Variants in MYH7B observed in about 807,000 individuals in gnomAD.
MYH7B encodes the protein myosin heavy chain 7B, also known as myosin-7B.
In MYH7B, 205 loss-of-function variants were observed where a neutral mutation model predicts 234.5. That is an observed-to-expected ratio of 0.87 (90% CI 0.78 to 0.98). MYH7B has a LOEUF of 0.98. MYH7B is among the 50% of genes least tolerant of loss of function. The pLI is 0.00. For synonymous variants in MYH7B, 1,193 were observed against 1,105.0 expected (o/e 1.08, Z -1.58); for missense variants, 2,652 against 2,633.4 (o/e 1.01, Z -0.15).
rs568904741 is a variant in MYH7B at position 34,968,451 on chromosome 20, AG to A, written c.-221-6946del. ...TGGAAATTGAAGCTCCGTGAGGAAG[AG>A]GGACCTATTCAAGGTCACATAGTGA... On this transcript the variant is annotated intron_variant, in intron 2 of 44. Transcript: ENST00000262873. Among the ~76,000 whole-genome samples the A allele has an allele frequency of 2.4e-4, 36 of 152,346 alleles. No homozygotes were observed. The South Asian group carries it at 7.2e-3, about 31-fold the overall frequency.
intron 13 of MYH7B, 35 bp from the exon 14 acceptor site, chr20:34,986,065 G>C (rs1413974398): frequency 5.9e-6 from 9 of 1,528,594 alleles, no homozygotes; most frequent in Middle Eastern, 1.7e-4. Flanking sequence ...CTGGGGAGGT[G>C]TGGGAGATGG....
intron 5 of MYH7B, 98 bp downstream of exon 5, chr20:34,978,194 G>A: frequency 7.0e-7 from 1 of 1,423,388 alleles, no homozygotes; most frequent in South Asian, 1.3e-5. Context: ...AGGGCTGAAG[G>A]GGCATTGGGG....
chr20:34,984,859 C>T (rs752263635), exon 12 of MYH7B: 9 of 1,613,948 alleles, frequency 5.6e-6, no homozygotes, highest in Non-Finnish European at 7.6e-6. Context: ...CCCAGGGCAC[C>T]CTTGAGGATC....
Position 34,977,952 on chromosome 20 carries a change from G to A in MYH7B, c.-54G>A, listed in dbSNP as rs11906160. On this transcript the variant is annotated 5_prime_UTR_variant, in exon 5 of 45. Transcript: ENST00000262873. ...CTTCCAGTGCCTGCTGCCTTGGGCC[G>A]CCTTGAACCTCCAGGGTTTCCAGCT... is the stretch of plus-strand genomic sequence containing the variant. 0.12 allele frequency: 186,250 copies of A among 1,613,514 alleles called. 12,161 individuals carry two copies. The highest frequency in any genetic ancestry group is 0.27 in the African/African-American group (19,881 of 74,944).
At chr20:35,000,040 C>T (rs995511034) in intron 38 of MYH7B, 134 bp downstream of exon 38, 4 of 953,614 alleles carry the variant, frequency 4.2e-6, no homozygotes, top group Non-Finnish European at 6.4e-6. Context: ...AGCTGTGAAC[C>T]TCGGAGATGC....
exon 39 of MYH7B, chr20:35,000,596 G>C (rs1569066435): frequency 6.4e-7 from 1 of 1,569,316 alleles, no homozygotes; most frequent in Admixed American, 1.9e-5. Context: ...TGGAGGAGCT[G>C]CGGGCTGCCC....
exon 10 of MYH7B, chr20:34,982,472 G>A (rs765093016): frequency 6.2e-6 from 10 of 1,614,026 alleles, no homozygotes; most frequent in Non-Finnish European, 8.5e-6. Flanking sequence ...AGAGTCGGGG[G>A]CCGGTAAGAC....
Position 34,978,639 on chromosome 20 carries a change from G to A in MYH7B, c.91+543G>A, listed in dbSNP as rs911298593. 2.0e-5 allele frequency among the ~76,000 whole-genome samples: 3 copies of A among 152,212 alleles called. No individual in the cohort carries two copies. In the East Asian group the frequency reaches 5.8e-4, roughly 29 times the overall value. On this transcript the variant is annotated intron_variant, in intron 5 of 44. Transcript: ENST00000262873. ...ATGCATCATCTCAACAACCTGGGGA[G>A]GTGGGGCCAGCACCAGACCTAGCTT...
chr20:34,997,376 C>T lies in MYH7B; in HGVS notation c.3483C>T (p.Gly1161=), dbSNP rs777007727. ...TGAGCGAGCGGCTGGAGGAGGCAGG[C>T]GGCGCATCCGCGGGGCAGCGCGAGG... The change falls in exon 32 of 45, where the codon GGC becomes GGT. Residue 1161 remains glycine, a synonymous_variant. Coordinates refer to ENST00000262873, the Ensembl canonical transcript of MYH7B. 69 of 1,521,774 alleles carry T rather than the reference C, an allele frequency of 4.5e-5. No homozygotes were observed. The highest frequency in any genetic ancestry group is 4.0e-4 in the South Asian group (33 of 81,686). 94.3% of individuals were successfully genotyped at this position (1,521,774 alleles called of 1,614,324 possible).
exon 38 of MYH7B, chr20:34,999,802 G>T: frequency 6.2e-7 from 1 of 1,603,082 alleles, no homozygotes; most frequent in South Asian, 1.1e-5. Context: ...GGGCCCTGGA[G>T]CTGGAGGAGA....
intron 30 of MYH7B, 95 bp from the exon 31 acceptor site, chr20:34,996,988 C>T: frequency 1.4e-6 from 2 of 1,406,084 alleles, no homozygotes; most frequent in East Asian, 5.0e-5. Context: ...GGTGAGGTCC[C>T]TCAGGGCCTG....
Position 34,994,218 on chromosome 20 carries a change from CTTTT to C in MYH7B, c.2519_2522del (p.Phe840SerfsTer3). 1.9e-6 allele frequency: 3 copies of C among 1,613,358 alleles called. No homozygotes were observed. The highest frequency in any genetic ancestry group is 2.5e-6 in the Non-Finnish European group (3 of 1,179,980). On this transcript the variant is annotated frameshift_variant, in exon 27 of 45. Coordinates refer to ENST00000262873, the Ensembl canonical transcript of MYH7B. LOFTEE classifies it high-confidence loss of function. Reference sequence around the variant, plus strand: ...TCAAGAACTGGTCATGGATGAAGCTCTTTTTCAAGATGAAGCCGCTGCTGCGCTC... The same window carrying C: ...TCAAGAACTGGTCATGGATGAAGCTCTCAAGATGAAGCCGCTGCTGCGCTC...
intron 22 of MYH7B, 152 bp from the exon 23 acceptor site, chr20:34,990,586 A>T: frequency 2.6e-6 from 2 of 769,258 alleles, no homozygotes. Flanking sequence ...GATGGGAGAC[A>T]GCGAAGGGTC....
At chr20:34,990,146 A>G in exon 21 of MYH7B, 4 of 1,614,140 alleles carry the variant, frequency 2.5e-6, no homozygotes, top group Non-Finnish European at 3.4e-6. Flanking sequence ...CTCCTGCTCC[A>G]GTGAGTATGG....
chr20:34,970,712 G>A (rs1159727369), intron 2 of MYH7B, among the ~76,000 whole-genome samples: 2 of 152,346 alleles, frequency 1.3e-5, no homozygotes, highest in South Asian at 2.1e-4. Flanking sequence ...AAGCAGTGAG[G>A]CCCACTCCTG....
rs150289907 is a variant in MYH7B at position 34,999,546 on chromosome 20, C to T, written c.4541-25C>T. On this transcript the variant is annotated intron_variant, in intron 36 of 44. Transcript: ENST00000262873. ...GTGGGAGTACAAGCCATGGGGGTGGCCTCTCAGCACCCTGTCCACTGCAGA... is the reference window on the plus strand; with the variant it reads ...GTGGGAGTACAAGCCATGGGGGTGGTCTCTCAGCACCCTGTCCACTGCAGA... 201 of 1,571,880 alleles carry T rather than the reference C, an allele frequency of 1.3e-4. No individual in the cohort carries two copies. In the African/African-American group the frequency reaches 2.6e-3, roughly 20 times the overall value.
At chr20:34,998,544 G>A (rs778819143) in exon 34 of MYH7B, 2 of 1,613,586 alleles carry the variant, frequency 1.2e-6, no homozygotes, top group Admixed American at 1.7e-5. Flanking sequence ...GAGAAGGAGT[G>A]TCTGATCAGT....
rs771153471 is a variant in MYH7B at position 34,999,703 on chromosome 20, G to A, written c.4665+8G>A. The A allele has an allele frequency of 6.2e-7, 1 of 1,612,784 alleles. No homozygotes were observed. Among genetic ancestry groups the A allele is most frequent in the South Asian group, 1.1e-5 (1 of 90,886 alleles). ...GCACTGGAGGAGGCAGAGGTCAGGG[G>A]CTGGCTGCAGGGGTGGGTGGACACT... On this transcript the variant is annotated splice_region_variant and intron_variant, in intron 37 of 44. Transcript: ENST00000262873.
At chr20:34,959,970 A>T (rs1170099530) in intron 2 of MYH7B, among the ~76,000 whole-genome samples, 1 of 152,092 alleles carries the variant, frequency 6.6e-6, no homozygotes, top group Admixed American at 6.5e-5. Flanking sequence ...AGGTATCCTG[A>T]CTTGCCAAAG....
Sources: allele counts gnomAD v4.1 joint callset (sites outside exome capture counted in the v4.1 genomes callset), GRCh38; gene constraint gnomAD v4.1.1; transcripts MANE v1.5; gene names NCBI Gene and HGNC (gene_info 2026-07-23, HGNC 2026-07-21).